SMG7: variants seen among roughly 807,000 people sequenced by gnomAD.
SMG7 encodes the protein nonsense-mediated mRNA decay factor SMG7.
Under a neutral mutation model 148.2 loss-of-function variants are expected in SMG7, and 34 were observed. The ratio of observed to expected loss-of-function variants is 0.23; its 90% CI spans 0.17 to 0.31. The LOEUF (loss-of-function observed/expected upper bound fraction) is 0.31, where lower values mean the gene tolerates loss of function less well. Among genes scored for constraint, SMG7 ranks in the 10% least tolerant of loss-of-function variants. The probability of loss-of-function intolerance (pLI) is 1.00; values close to 1 mark genes in which losing one functional copy is unlikely to be tolerated. For synonymous variants in SMG7, 492 were observed against 515.1 expected (o/e 0.96, Z 0.61); for missense variants, 1,114 against 1,408.4 (o/e 0.79, Z 3.35).
At chr1:183,482,000 A>C (rs1173027768) in intron 1 of SMG7, among the ~76,000 whole-genome samples, 1 of 152,094 alleles carries the variant, frequency 6.6e-6, no homozygotes, top group Non-Finnish European at 1.5e-5. Flanking sequence ...TAAAAGGATG[A>C]GCAGGATTAG....
At chr1:183,521,733 C>T (rs140540090) in intron 4 of SMG7, among the ~76,000 whole-genome samples, 3 of 151,642 alleles carry the variant, frequency 2.0e-5, no homozygotes, top group East Asian at 1.9e-4. Context: ...GGCACGGTGG[C>T]GCACACCTGT....
At chr1:183,530,199 A>G (rs1017848943) in intron 8 of SMG7, among the ~76,000 whole-genome samples, 1 of 152,134 alleles carries the variant, frequency 6.6e-6, no homozygotes, top group Non-Finnish European at 1.5e-5. Flanking sequence ...GTAAATGACA[A>G]TTTCAAAGAA....
In SMG7 at chr1:183,504,574, C is replaced by A. The variant is rs544612931; in HGVS notation, c.30-8263C>A. On this transcript the variant is annotated intron_variant, in intron 1 of 22. Coordinates refer to ENST00000688051, the MANE Select transcript of SMG7 (RefSeq NM_001375584.1). ...GGCTGGTCTCAAACTCCTGACCTCC[C>A]GTGATCTGCCTGCCTCGGCCTCCCA... Among the ~76,000 whole-genome samples the A allele has an allele frequency of 2.2e-4, 33 of 152,054 alleles. 1 individual carries two copies. The East Asian group carries it at 2.3e-3, about 11-fold the overall frequency.
At chr1:183,473,477 G>A (rs868077142) in intron 1 of SMG7, among the ~76,000 whole-genome samples, 17 of 152,176 alleles carry the variant, frequency 1.1e-4, no homozygotes, top group African/African-American at 3.1e-4. Flanking sequence ...GCACATTTCA[G>A]GATGAAGATG....
chr1:183,486,933 A>G (rs1331286124), intron 1 of SMG7, among the ~76,000 whole-genome samples: 3 of 152,216 alleles, frequency 2.0e-5, no homozygotes, highest in Non-Finnish European at 4.4e-5. Flanking sequence ...GTCTTTTTAA[A>G]GAAATGCTGA....
At chr1:183,538,105 A>T (rs2102690616) in intron 11 of SMG7, among the ~76,000 whole-genome samples, 1 of 152,292 alleles carries the variant, frequency 6.6e-6, no homozygotes, top group East Asian at 1.9e-4. Context: ...TGGATCCAAG[A>T]CTATGAATTT....
rs1029758214 is a variant in SMG7 at position 183,541,043 on chromosome 1, G to A, written c.1355G>A (p.Arg452Gln). The A allele has an allele frequency of 2.5e-6, 4 of 1,613,400 alleles. No individual in the cohort carries two copies. Among genetic ancestry groups the A allele is most frequent in the East Asian group, 2.2e-5 (1 of 44,886 alleles). ...ACAGGGGACAAAGAAGGCCAGCAACGACGAATACGACAGCAACGCTTGATC... is the reference window on the plus strand; with the variant it reads ...ACAGGGGACAAAGAAGGCCAGCAACAACGAATACGACAGCAACGCTTGATC... Reference protein sequence around the residue: ...GITGDKEGQQRRIRQQRLISI... With the variant: ...GITGDKEGQQQRIRQQRLISI... Residue 452 changes from arginine (R) to glutamine (Q), a missense_variant, in exon 13 of 23, where the codon CGA (arginine) becomes CAA (glutamine). Around this residue, in one of 4 missense-constraint regions of SMG7, gnomAD observed 788 missense variants for 894.5 expected, o/e 0.88. Coordinates refer to ENST00000688051, the MANE Select transcript of SMG7 (RefSeq NM_001375584.1).
chr1:183,476,224 G>A (rs1013179006), intron 1 of SMG7, among the ~76,000 whole-genome samples: 3 of 152,168 alleles, frequency 2.0e-5, no homozygotes, highest in Non-Finnish European at 4.4e-5. Flanking sequence ...GGAGGATGCC[G>A]AGTATTGCTG....
intron 1 of SMG7, among the ~76,000 whole-genome samples, chr1:183,497,392 T>G (rs1658743586): frequency 2.0e-5 from 3 of 152,180 alleles, no homozygotes; most frequent in Non-Finnish European, 1.5e-5. Flanking sequence ...AAAGTCTCAG[T>G]GTCACATTTA....
At chr1:183,473,484 G>T (rs1328138303) in intron 1 of SMG7, among the ~76,000 whole-genome samples, 1 of 152,110 alleles carries the variant, frequency 6.6e-6, no homozygotes, top group Admixed American at 6.5e-5. Flanking sequence ...TCAGGATGAA[G>T]ATGTAGATAG....
At chr1:183,475,094 C>T (rs1422575129) in intron 1 of SMG7, among the ~76,000 whole-genome samples, 1 of 152,216 alleles carries the variant, frequency 6.6e-6, no homozygotes, top group African/African-American at 2.4e-5. Context: ...TATGTGGAAA[C>T]TAACTGAAAT....
intron 1 of SMG7, among the ~76,000 whole-genome samples, chr1:183,490,912 A>C: frequency 6.6e-6 from 1 of 152,076 alleles, no homozygotes; most frequent in East Asian, 1.9e-4. Flanking sequence ...CAGCCTCCTA[A>C]GTAGCTGGGA....
chr1:183,520,676 A>T (rs1233359819), intron 4 of SMG7, among the ~76,000 whole-genome samples: 1 of 152,178 alleles, frequency 6.6e-6, no homozygotes, highest in Non-Finnish European at 1.5e-5. Context: ...TTGGTTTGTC[A>T]TCTTGAAAAA....
In SMG7 at chr1:183,541,042, C is replaced by A. The variant is rs1392150950; in HGVS notation, c.1354C>A (p.Arg452=). ...GITGDKEGQQ[R]RIRQQRLISI... ...TACAGGGGACAAAGAAGGCCAGCAACGACGAATACGACAGCAACGCTTGAT... is the reference window on the plus strand; with the variant it reads ...TACAGGGGACAAAGAAGGCCAGCAAAGACGAATACGACAGCAACGCTTGAT... The change falls in exon 13 of 23, where the codon CGA becomes AGA. Residue 452 remains arginine (R), a synonymous_variant. Transcript: ENST00000688051. 1 of 1,613,392 alleles carries A rather than the reference C, an allele frequency of 6.2e-7. No individual in the cohort carries two copies. Among genetic ancestry groups the A allele is most frequent in the Non-Finnish European group, 8.5e-7 (1 of 1,179,350 alleles).
At chr1:183,541,169 C>T (rs185179192) in intron 13 of SMG7, 66 bp downstream of exon 13, 41 of 1,341,098 alleles carry the variant, frequency 3.1e-5, no homozygotes, top group Middle Eastern at 1.9e-4. Context: ...TGCGCGCACA[C>T]GCGCGCGCAC....
intron 1 of SMG7, among the ~76,000 whole-genome samples, chr1:183,495,807 G>A (rs1658340855): frequency 6.6e-6 from 1 of 151,940 alleles, no homozygotes; most frequent in South Asian, 2.1e-4. Flanking sequence ...GGCAGAGGTT[G>A]CAATGAGCCC....
chr1:183,478,567 T>C (rs1166051474), intron 1 of SMG7, among the ~76,000 whole-genome samples: 1 of 152,178 alleles, frequency 6.6e-6, no homozygotes, highest in Non-Finnish European at 1.5e-5. Context: ...GCCTTCATGG[T>C]AGAAGAAGCA....
intron 2 of SMG7, among the ~76,000 whole-genome samples, chr1:183,513,612 C>T (rs1662709863): frequency 6.6e-6 from 1 of 152,106 alleles, no homozygotes; most frequent in African/African-American, 2.4e-5. Context: ...CTTCATGATC[C>T]TCCTGCCTCA....
chr1:183,516,890 A>G (rs142454244), intron 3 of SMG7, among the ~76,000 whole-genome samples: 263 of 152,340 alleles, frequency 1.7e-3, no homozygotes, highest in Middle Eastern at 6.8e-3. Flanking sequence ...TGATGTTGAT[A>G]TAGAATTAGG....
Sources: allele counts gnomAD v4.1 joint callset (sites outside exome capture counted in the v4.1 genomes callset), GRCh38; gene constraint gnomAD v4.1.1; regional missense constraint gnomAD v4.1.1; transcripts MANE v1.5; gene names NCBI Gene and HGNC (gene_info 2026-07-23, HGNC 2026-07-21).